KCNH1: variants seen among roughly 807,000 people sequenced by gnomAD.
The protein encoded by KCNH1 is voltage-gated delayed rectifier potassium channel KCNH1.
A neutral mutation model predicts 69.2 loss-of-function variants in KCNH1; 27 were observed. The observed-to-expected ratio is 0.39, with a 90% confidence interval of 0.29 to 0.54. KCNH1 has a LOEUF of 0.54. Ranked by LOEUF, KCNH1 falls within the 20% of genes least tolerant of loss-of-function variation. The pLI, the probability that KCNH1 is intolerant of heterozygous loss-of-function variation, is 0.68. For synonymous variants in KCNH1, 456 were observed against 487.7 expected (o/e 0.93, Z 0.86); for missense variants, 798 against 1,261.6 (o/e 0.63, Z 5.57).
At chr1:210,824,175 G>A (rs1348734147) in intron 7 of KCNH1, among the ~76,000 whole-genome samples, 1 of 151,798 alleles carries the variant, frequency 6.6e-6, no homozygotes, top group Admixed American at 6.6e-5. Context: ...CCTTAAATCT[G>A]GGTTCCAAAT....
chr1:210,980,295 G>A (rs986443141), intron 6 of KCNH1, among the ~76,000 whole-genome samples: 1 of 152,170 alleles, frequency 6.6e-6, no homozygotes, highest in Non-Finnish European at 1.5e-5. Flanking sequence ...GAGCATGTAA[G>A]GCCCATAATC....
intron 7 of KCNH1, among the ~76,000 whole-genome samples, chr1:210,911,911 C>T (rs1687239862): frequency 6.6e-6 from 1 of 152,144 alleles, no homozygotes; most frequent in Non-Finnish European, 1.5e-5. Flanking sequence ...CTTTCCCTTC[C>T]TGATTCTTTA....
intron 6 of KCNH1, among the ~76,000 whole-genome samples, chr1:210,986,242 G>T (rs1688831472): frequency 6.6e-6 from 1 of 152,104 alleles, no homozygotes; most frequent in Admixed American, 6.5e-5. Flanking sequence ...TATCCAATTT[G>T]CCAGTGTTTG....
rs1041653966 is a variant in KCNH1 at position 210,945,578 on chromosome 1, T to A, written c.1033-25509A>T. Among the ~76,000 whole-genome samples the A allele has an allele frequency of 2.0e-5, 3 of 152,162 alleles. No individual in the cohort carries two copies. The East Asian group carries it at 5.8e-4, about 29-fold the overall frequency. On this transcript the variant is annotated intron_variant, in intron 6 of 10. Transcript: ENST00000271751. ...CTTCCCCTCAGGATGAAGGCCAAAG[T>A]CTTCACAGTGGTCCCCAAGGTCCAT...
chr1:211,118,740 T>C (rs948021300), intron 1 of KCNH1, among the ~76,000 whole-genome samples: 6 of 152,186 alleles, frequency 3.9e-5, no homozygotes, highest in Admixed American at 3.3e-4. Context: ...CATTTGCCCA[T>C]AAAGCATAAC....
chr1:211,128,937 C>T (rs1047364888), intron 1 of KCNH1, among the ~76,000 whole-genome samples: 2 of 152,098 alleles, frequency 1.3e-5, no homozygotes, highest in Non-Finnish European at 2.9e-5. Context: ...AAAAGAAACA[C>T]AATTATACTT....
At chr1:210,772,538 C>G (rs1276029279) in intron 10 of KCNH1, among the ~76,000 whole-genome samples, 1 of 151,062 alleles carries the variant, frequency 6.6e-6, no homozygotes, top group South Asian at 2.1e-4. Context: ...AAAAGAATGG[C>G]TACCTCTTTA....
At chr1:210,701,448 T>C (rs1014225289) in intron 10 of KCNH1, among the ~76,000 whole-genome samples, 2 of 152,220 alleles carry the variant, frequency 1.3e-5, no homozygotes, top group African/African-American at 2.4e-5. Flanking sequence ...AGTGGCTTAC[T>C]AAGGTCGCAA....
At chr1:211,016,535 C>T (rs145567890) in intron 6 of KCNH1, among the ~76,000 whole-genome samples, 2 of 152,178 alleles carry the variant, frequency 1.3e-5, no homozygotes, top group Non-Finnish European at 2.9e-5. Context: ...ATTACCTAAG[C>T]CAAAATGATA....
chr1:210,723,859 G>C (rs547594213), intron 10 of KCNH1, among the ~76,000 whole-genome samples: 1 of 152,224 alleles, frequency 6.6e-6, no homozygotes, highest in African/African-American at 2.4e-5. Context: ...CAAACATGCT[G>C]TCCTCACGTG....
At chr1:210,759,827 G>C (rs1683479871) in intron 10 of KCNH1, among the ~76,000 whole-genome samples, 1 of 152,108 alleles carries the variant, frequency 6.6e-6, no homozygotes, top group Non-Finnish European at 1.5e-5. Flanking sequence ...AAGAAATCTA[G>C]AGAATTCCTG....
In KCNH1 at chr1:210,825,886, T is replaced by C. The variant is rs186182299; in HGVS notation, c.1463-21720A>G. On this transcript the variant is annotated intron_variant, in intron 7 of 10. Transcript: ENST00000271751. Reference sequence around the variant, plus strand: ...TTTCACTTGTATCATTGTTTAATTATGATTTTGGAAGACAAAAGTACAAGT... The same window carrying C: ...TTTCACTTGTATCATTGTTTAATTACGATTTTGGAAGACAAAAGTACAAGT... Among the ~76,000 whole-genome samples the C allele has an allele frequency of 8.9e-3, 1,361 of 152,364 alleles. 8 individuals carry two copies. The highest frequency in any genetic ancestry group is 0.02 in the Middle Eastern group (6 of 294).
chr1:211,055,371 C>A (rs1690285440), intron 5 of KCNH1, among the ~76,000 whole-genome samples: 1 of 152,170 alleles, frequency 6.6e-6, no homozygotes, highest in Non-Finnish European at 1.5e-5. Context: ...TTCAGACCAG[C>A]CCCAACCAGA....
intron 7 of KCNH1, chr1:210,860,638 T>A (rs899964014): frequency 6.3e-6 from 5 of 790,154 alleles, no homozygotes; most frequent in Non-Finnish European, 1.2e-5. Context: ...TGTTATAATA[T>A]GAAGAAGAGC....
chr1:210,840,463 A>C (rs1250171728), intron 7 of KCNH1, among the ~76,000 whole-genome samples: 1 of 152,182 alleles, frequency 6.6e-6, no homozygotes, highest in Non-Finnish European at 1.5e-5. Flanking sequence ...CGCAACAGTT[A>C]TTTGCATACA....
At chr1:210,964,361 A>G (rs1030683816) in intron 6 of KCNH1, among the ~76,000 whole-genome samples, 6 of 152,196 alleles carry the variant, frequency 3.9e-5, no homozygotes, top group Admixed American at 3.9e-4. Context: ...CATTGACACT[A>G]TGAAGAAACT....
rs60620622 is a variant in KCNH1 at position 211,060,400 on chromosome 1, C to CAAAA, written c.558+22376_558+22379dup. ...TGGGCGACAGAGCGAGACTCCGTCT[C>CAAAA]AAAAAAAAAAAAAAAAAAAAAAAAA... On this transcript the variant is annotated intron_variant, in intron 5 of 10. Coordinates refer to ENST00000271751, the MANE Select transcript of KCNH1 (RefSeq NM_172362.3). Among the ~76,000 whole-genome samples, 45 of 44,324 alleles carry CAAAA rather than the reference C, an allele frequency of 1.0e-3. 3 individuals are homozygous for CAAAA. The highest frequency in any genetic ancestry group is 1.5e-3 in the Admixed American group (4 of 2,614). The allele number at this position is 44,324 out of a possible 152,430, so 29.1% of individuals were successfully genotyped here.
At chr1:211,102,698 C>G (rs1002351914) in intron 3 of KCNH1, among the ~76,000 whole-genome samples, 1 of 152,198 alleles carries the variant, frequency 6.6e-6, no homozygotes, top group Non-Finnish European at 1.5e-5. Flanking sequence ...ATCACTCAAA[C>G]CTGAATGCCA....
intron 3 of KCNH1, among the ~76,000 whole-genome samples, chr1:211,092,958 G>A (rs1376092224): frequency 6.6e-6 from 1 of 151,768 alleles, no homozygotes; most frequent in Admixed American, 6.6e-5. Flanking sequence ...GGAGTACATC[G>A]TGAGTCAGTT....
Sources: allele counts gnomAD v4.1 joint callset (sites outside exome capture counted in the v4.1 genomes callset), GRCh38; gene constraint gnomAD v4.1.1; transcripts MANE v1.5; gene names NCBI Gene and HGNC (gene_info 2026-07-23, HGNC 2026-07-21).